Variants in LBR observed in about 807,000 individuals in gnomAD.
LBR encodes the protein lamin B receptor.
A neutral mutation model predicts 74.3 loss-of-function variants in LBR; 28 were observed. The observed-to-expected ratio is 0.38, with a 90% CI of 0.28 to 0.52. The LOEUF (loss-of-function observed/expected upper bound fraction) is 0.52. Ranked by LOEUF, LBR falls within the 20% of genes least tolerant of loss-of-function variation. The pLI is 0.89. For synonymous variants in LBR, 228 were observed against 269.3 expected (o/e 0.85, Z 1.50); for missense variants, 717 against 760.3 (o/e 0.94, Z 0.67).
rs778364587 is a variant in LBR, at chr1:225,401,834, G to C, written c.*1469C>G. On this transcript the variant is annotated 3_prime_UTR_variant, in exon 14 of 14. Coordinates refer to ENST00000272163, the MANE Select transcript of LBR (RefSeq NM_002296.4). Reference sequence around the variant, plus strand: ...AATGTTTAAAGACTACCGGATGCTGGAGCAAACCAACTTCATGACTGCATT... The same window carrying C: ...AATGTTTAAAGACTACCGGATGCTGCAGCAAACCAACTTCATGACTGCATT... 8 of 152,156 alleles carry C rather than the reference G, an allele frequency of 5.3e-5. No homozygotes were observed. The highest frequency in any genetic ancestry group is 1.3e-4 in the Admixed American group (2 of 15,262). The allele number at this position is 152,156 out of a possible 1,614,324, so 9.4% of individuals were successfully genotyped here.
chr1:225,414,361 TA>T (rs1267508832), intron 7 of LBR: 1 of 339,976 alleles, frequency 2.9e-6, no homozygotes, highest in Admixed American at 3.9e-5. Context: ...ATTGAAAGGA[TA>T]AAAAGTTCAA....
At chr1:225,423,159 T>C (rs6678087) in intron 2 of LBR, among the ~76,000 whole-genome samples, 75,504 of 152,088 alleles carry the variant, frequency 0.5, 19,749 homozygotes, top group African/African-American at 0.68. Flanking sequence ...GACAAAGTAA[T>C]CTCATATCTA....
rs1306305066 is a variant in LBR at position 225,404,508 on chromosome 1, G to A, written c.1583C>T (p.Thr528Ile). 2 of 1,612,122 alleles carry A rather than the reference G, an allele frequency of 1.2e-6. No homozygotes were observed. Among genetic ancestry groups the A allele is most frequent in the East Asian group, 2.2e-5 (1 of 44,838 alleles). ...AACTAGAAGATTTTTTCCCGTTGAA[G>A]TATGAATGGTTTTTAAATCTATATA... ...PKLAHLKTIH[T>I]STGKNLLVSG... The change falls in exon 13 of 14, where the codon ACT becomes ATT. Residue 528 changes from threonine to isoleucine, a missense_variant. Thr to Ile is a moderately conservative substitution (Grantham distance 89). Transcript: ENST00000272163.
Position 225,404,515 on chromosome 1 carries a change from T to G in LBR, c.1576A>C (p.Ile526Leu). The part of the protein sequence containing the change: ...SDPKLAHLKT[I>L]HTSTGKNLLV... Reference sequence around the variant, plus strand: ...AGATTTTTTCCCGTTGAAGTATGAATGGTTTTTAAATCTATATAAAAATAA... The same window carrying G: ...AGATTTTTTCCCGTTGAAGTATGAAGGGTTTTTAAATCTATATAAAAATAA... Residue 526 changes from isoleucine to leucine, a missense_variant, in exon 13 of 14, where the codon ATT becomes CTT. Ile to Leu is a conservative substitution (Grantham distance 5). Transcript: ENST00000272163. 6.2e-7 allele frequency: 1 copy of G among 1,610,764 alleles called. No homozygotes were observed. The highest frequency in any genetic ancestry group is 2.2e-5 in the East Asian group (1 of 44,724).
intron 10 of LBR, among the ~76,000 whole-genome samples, chr1:225,407,931 A>G (rs769697946): frequency 2.0e-5 from 3 of 152,186 alleles, no homozygotes; most frequent in Non-Finnish European, 4.4e-5. Flanking sequence ...ATAATCGTAC[A>G]TATTTATGGG....
intron 8 of LBR, 89 bp from the exon 9 acceptor site, chr1:225,411,529 C>T (rs915963940): frequency 2.2e-6 from 2 of 923,822 alleles, no homozygotes; most frequent in Admixed American, 3.5e-5. Flanking sequence ...TCCAGGCTCA[C>T]AATTCCACTG....
At chr1:225,418,259 G>T in intron 5 of LBR, 79 bp from the exon 6 acceptor site, 2 of 1,430,224 alleles carry the variant, frequency 1.4e-6, no homozygotes, top group South Asian at 2.4e-5. Flanking sequence ...GATTTGTTAA[G>T]ATCAGAACTC....
chr1:225,415,197 A>G, intron 7 of LBR, 81 bp downstream of exon 7: 1 of 914,834 alleles, frequency 1.1e-6, no homozygotes, highest in South Asian at 1.4e-5. Flanking sequence ...ACTCTGGTCT[A>G]ATCAGCTTTA....
At chr1:225,428,435 T>G (rs2096145686), upstream of LBR, among the ~76,000 whole-genome samples, 1 of 152,160 alleles carries the variant, frequency 6.6e-6, no homozygotes. Flanking sequence ...CGAACGAGAT[T>G]TTTTTTTAAG....
In LBR at chr1:225,412,509, A is replaced by G; in HGVS notation, c.1029T>C (p.Tyr343=). 7 of 1,614,206 alleles carry G rather than the reference A, an allele frequency of 4.3e-6. No individual in the cohort carries two copies. The highest frequency in any genetic ancestry group is 5.1e-6 in the Non-Finnish European group (6 of 1,180,042). ...ATVFCVVLSV[Y]LYMRSLKAPR... ...GCGCTTTCAAAGAGCGCATGTAGAG[A>G]TACACACTCAAGACCACACAAAAAA... is the stretch of plus-strand genomic sequence containing the variant. The change falls in exon 8 of 14, where the codon TAT becomes TAC. Residue 343 remains tyrosine, a synonymous_variant. Coordinates refer to ENST00000272163, the MANE Select transcript of LBR (RefSeq NM_002296.4).
At chr1:225,423,677 G>A (rs1347746516) in intron 2 of LBR, among the ~76,000 whole-genome samples, 1 of 152,168 alleles carries the variant, frequency 6.6e-6, no homozygotes, top group Non-Finnish European at 1.5e-5. Flanking sequence ...AGTAAACCCA[G>A]GGGACCAACA....
intron 1 of LBR, among the ~76,000 whole-genome samples, chr1:225,425,687 C>T (rs971736681): frequency 2.0e-5 from 3 of 152,068 alleles, no homozygotes; most frequent in Non-Finnish European, 1.5e-5. Flanking sequence ...TACCCTCCTT[C>T]TCTCTTCTCT....
intron 10 of LBR, among the ~76,000 whole-genome samples, chr1:225,409,736 T>G (rs957513877): frequency 6.6e-6 from 1 of 152,116 alleles, no homozygotes; most frequent in African/African-American, 2.4e-5. Context: ...AACAAAACAT[T>G]TACCAGTCTT....
intron 1 of LBR, among the ~76,000 whole-genome samples, chr1:225,424,995 C>T (rs1309725052): frequency 6.6e-6 from 1 of 152,216 alleles, no homozygotes; most frequent in Non-Finnish European, 1.5e-5. Flanking sequence ...CTAGCTGGGG[C>T]CACGTCCAAG....
chr1:225,415,223 C>G, intron 7 of LBR, 55 bp downstream of exon 7: 1 of 1,165,150 alleles, frequency 8.6e-7, no homozygotes, highest in South Asian at 1.3e-5. Flanking sequence ...GAGTTTAACA[C>G]TTAGAAGTTT....
intron 1 of LBR, among the ~76,000 whole-genome samples, chr1:225,426,540 T>A (rs1036179210): frequency 1.3e-5 from 2 of 152,202 alleles, no homozygotes; most frequent in African/African-American, 4.8e-5. Context: ...GGCACTGCAA[T>A]CCTCACACAT....
chr1:225,406,777 G>A lies in LBR; in HGVS notation c.1370C>T (p.Ala457Val). The stretch of plus-strand genomic sequence containing the variant: ...GGGAACCCACACCAAGTCTCCAAAA[G>A]CCAGCATGAATCCAAATCCATCGTG... ...IIHDGFGFML[A>V]FGDLVWVPFI... The change falls in exon 11 of 14, where the codon GCT (alanine) becomes GTT (valine). Residue 457 changes from alanine (A) to valine (V), a missense_variant. By Grantham distance (64) the Ala-to-Val change is moderately conservative. Transcript: ENST00000272163. 1 of 1,614,204 alleles carries A rather than the reference G, an allele frequency of 6.2e-7. No homozygotes were observed. Among genetic ancestry groups the A allele is most frequent in the Non-Finnish European group, 8.5e-7 (1 of 1,180,020 alleles).
rs1300782585 is a variant in LBR, at chr1:225,402,590, A to G, written c.*713T>C. ...CAAAATTTTATTTAAAATACTGAAAATGTTTTGTTAAAAAGACAGTTAGTC... is the reference window on the plus strand; with the variant it reads ...CAAAATTTTATTTAAAATACTGAAAGTGTTTTGTTAAAAAGACAGTTAGTC... On this transcript the variant is annotated 3_prime_UTR_variant, in exon 14 of 14. Coordinates refer to ENST00000272163, the MANE Select transcript of LBR (RefSeq NM_002296.4). 1.3e-5 allele frequency: 2 copies of G among 152,648 alleles called. No homozygotes were observed. The highest frequency in any genetic ancestry group is 2.9e-5 in the Non-Finnish European group (2 of 68,024). 9.5% of individuals were successfully genotyped at this position (152,648 alleles called of 1,614,324 possible).
chr1:225,421,520 A>G (rs1393504071), intron 3 of LBR, among the ~76,000 whole-genome samples: 1 of 152,274 alleles, frequency 6.6e-6, no homozygotes, highest in African/African-American at 2.4e-5. Flanking sequence ...TATCCAGAAA[A>G]GAGGTTAACA....
Sources: gnomAD v4.1 joint callset for allele counts (sites outside exome capture counted in the v4.1 genomes callset) on GRCh38, gnomAD v4.1.1 for gene constraint, MANE v1.5 for transcripts, NCBI Gene and HGNC (gene_info 2026-07-23, HGNC 2026-07-21) for gene names.